TAF1B: variants seen among roughly 807,000 people sequenced by gnomAD.
TAF1B encodes the protein TATA box-binding protein-associated factor RNA polymerase I subunit B.
TAF1B carries 61 observed loss-of-function variants against 83.9 expected under a neutral mutation model. That is an observed-to-expected ratio of 0.73 (90% CI 0.59 to 0.90). The LOEUF is 0.90. TAF1B is among the 40% of genes least tolerant of loss of function. The pLI is 0.00. For synonymous variants in TAF1B, 221 were observed against 224.6 expected, an observed-to-expected ratio of 0.98 and a Z score of 0.14; for missense variants, 625 against 677.0, an observed-to-expected ratio of 0.92 and a Z score of 0.85.
intron 8 of TAF1B, among the ~76,000 whole-genome samples, chr2:9,889,085 G>A (rs1263237520): frequency 6.6e-6 from 1 of 151,562 alleles, no homozygotes; most frequent in African/African-American, 2.4e-5. Context: ...TACGGGTGGG[G>A]AGCCACTGCA....
intron 8 of TAF1B, among the ~76,000 whole-genome samples, chr2:9,894,335 C>T (rs1470691052): frequency 6.6e-6 from 1 of 151,808 alleles, no homozygotes; most frequent in East Asian, 1.9e-4. Context: ...ATTTATTATA[C>T]AATATATCAG....
chr2:9,926,798 C>G (rs1572294474), intron 14 of TAF1B, among the ~76,000 whole-genome samples: 2 of 108,558 alleles, frequency 1.8e-5, no homozygotes, highest in African/African-American at 6.2e-5. Flanking sequence ...GGGTGAGACT[C>G]TGTCTCAAAA....
At chr2:9,848,999 A>G (rs772258476) in intron 2 of TAF1B, among the ~76,000 whole-genome samples, 25 of 152,266 alleles carry the variant, frequency 1.6e-4, no homozygotes, top group Non-Finnish European at 2.9e-5. Context: ...AGGCATTACC[A>G]GTTACAAAAA....
intron 12 of TAF1B, among the ~76,000 whole-genome samples, chr2:9,918,617 TG>T (rs546418867): frequency 2.0e-5 from 3 of 152,246 alleles, no homozygotes; most frequent in Non-Finnish European, 4.4e-5. Flanking sequence ...ACGCATTTAC[TG>T]TTCACTGTGT....
In TAF1B at chr2:9,934,094, ACT is replaced by A. The variant is rs1182417359; in HGVS notation, c.*113_*114del. On this transcript the variant is annotated 3_prime_UTR_variant, in exon 15 of 15. Coordinates refer to ENST00000263663, the MANE Select transcript of TAF1B (RefSeq NM_005680.3). ...GAAAATACTGCATATATATGTATAG[ACT>A]CTGACACATATTTACATATATATCA... 1 of 832,168 alleles carries A rather than the reference ACT, an allele frequency of 1.2e-6. No homozygotes were observed. The highest frequency in any genetic ancestry group is 1.7e-5 in the African/African-American group (1 of 57,916). 51.5% of individuals were successfully genotyped at this position (832,168 alleles called of 1,614,324 possible). A position where few individuals can be genotyped will look rare whatever the true frequency, so the allele number is the denominator to read the frequency against.
At chr2:9,870,064 T>G (rs570925772) in intron 6 of TAF1B, among the ~76,000 whole-genome samples, 1 of 152,188 alleles carries the variant, frequency 6.6e-6, no homozygotes, top group African/African-American at 2.4e-5. Flanking sequence ...AAAATTTGAA[T>G]TATTTCTTCA....
Position 9,875,907 on chromosome 2 carries a change from C to T in TAF1B, c.596C>T (p.Ser199Leu). The stretch of plus-strand genomic sequence containing the variant: ...GGATCTCTGGATGGAGTTGAATACT[C>T]ACAACGAAAGGAGAAGGGAATCGTG... Reference protein sequence around the residue: ...CSGSLDGVEYSQRKEKGIVKM... With the variant: ...CSGSLDGVEYLQRKEKGIVKM... The change falls in exon 7 of 15, where the codon TCA becomes TTA. Residue 199 changes from serine (S) to leucine (L), a missense_variant. Transcript: ENST00000263663. The T allele has an allele frequency of 9.3e-6, 15 of 1,612,250 alleles. No individual in the cohort carries two copies. Among genetic ancestry groups the T allele is most frequent in the Non-Finnish European group, 1.3e-5 (15 of 1,178,668 alleles).
At chr2:9,851,874 C>A in intron 4 of TAF1B, 2 of 637,594 alleles carry the variant, frequency 3.1e-6, no homozygotes, top group Non-Finnish European at 5.9e-6. Context: ...TCTTCAGATA[C>A]TTAGGAAACA....
intron 3 of TAF1B, among the ~76,000 whole-genome samples, chr2:9,850,924 C>T (rs911411121): frequency 2.6e-5 from 4 of 152,144 alleles, no homozygotes; most frequent in African/African-American, 9.7e-5. Context: ...TTCATTTTCT[C>T]CCTATAACCT....
chr2:9,890,370 A>G (rs74367485), intron 8 of TAF1B, among the ~76,000 whole-genome samples: 6,616 of 152,268 alleles, frequency 0.043, 190 homozygotes, highest in Non-Finnish European at 0.066. Context: ...TCCAAATACT[A>G]ATTTTTAGAC....
At chr2:9,869,147 A>G (rs962459621) in intron 6 of TAF1B, among the ~76,000 whole-genome samples, 2 of 152,160 alleles carry the variant, frequency 1.3e-5, no homozygotes, top group African/African-American at 2.4e-5. Flanking sequence ...TTGAAAGAAG[A>G]TATTAGCTCC....
intron 6 of TAF1B, 186 bp downstream of exon 6, chr2:9,868,615 TA>T: frequency 1.1e-6 from 1 of 873,934 alleles, no homozygotes. Flanking sequence ...CGCAATTTTT[TA>T]AAAGGCACAT....
chr2:9,845,080 C>G, intron 1 of TAF1B, 140 bp from the exon 2 acceptor site: 1 of 506,892 alleles, frequency 2.0e-6, no homozygotes, highest in Non-Finnish European at 3.4e-6. Context: ...TGCGGATAAT[C>G]TCTCTGACAT....
At chr2:9,916,091 A>T (rs1407706068) in intron 12 of TAF1B, among the ~76,000 whole-genome samples, 1 of 152,172 alleles carries the variant, frequency 6.6e-6, no homozygotes, top group African/African-American at 2.4e-5. Context: ...GATGTGGGAG[A>T]TATTTTGGAG....
intron 2 of TAF1B, among the ~76,000 whole-genome samples, chr2:9,848,326 A>T (rs1330561243): frequency 1.3e-5 from 2 of 152,206 alleles, no homozygotes; most frequent in Non-Finnish European, 2.9e-5. Context: ...AAAAACAGTA[A>T]TGTCCTCTGT....
At chr2:9,843,449 G>C (rs1460521463), upstream of TAF1B, 90 of 1,327,842 alleles carry the variant, frequency 6.8e-5, no homozygotes, top group Non-Finnish European at 8.7e-5. Flanking sequence ...CGGATCTCGC[G>C]TTTCCGGCCG....
intron 12 of TAF1B, among the ~76,000 whole-genome samples, chr2:9,917,706 C>T (rs1665724476): frequency 6.6e-6 from 1 of 152,200 alleles, no homozygotes; most frequent in African/African-American, 2.4e-5. Flanking sequence ...ACACTAGGGG[C>T]ATAAGGATGG....
intron 8 of TAF1B, 63 bp from the exon 9 acceptor site, chr2:9,904,796 A>C (rs1428439558): frequency 6.7e-6 from 10 of 1,488,816 alleles, no homozygotes; most frequent in Non-Finnish European, 9.2e-6. Flanking sequence ...AAATCAGAAC[A>C]TATTTTTAAA....
chr2:9,904,322 A>T (rs1404755698), intron 8 of TAF1B, among the ~76,000 whole-genome samples: 1 of 152,100 alleles, frequency 6.6e-6, no homozygotes, highest in Admixed American at 6.6e-5. Flanking sequence ...TGTGTACTCA[A>T]TGTTTAGCTC....
Sources: gnomAD v4.1 joint callset for allele counts (sites outside exome capture counted in the v4.1 genomes callset) on GRCh38, gnomAD v4.1.1 for gene constraint, MANE v1.5 for transcripts, NCBI Gene and HGNC (gene_info 2026-07-23, HGNC 2026-07-21) for gene names.